Variants in EDAR observed in about 807,000 individuals in gnomAD.
EDAR encodes ectodysplasin A receptor.
A neutral mutation model predicts 51.3 loss-of-function variants in EDAR; 38 were observed. The observed-to-expected ratio is 0.74, with a 90% confidence interval of 0.57 to 0.97. The LOEUF is 0.97. Among genes scored for constraint, EDAR ranks in the 50% least tolerant of loss-of-function variants. The pLI is 0.00. For missense variants in EDAR, 528 were observed against 595.0 expected (o/e 0.89, Z 1.17); for synonymous variants, 227 against 242.1 (o/e 0.94, Z 0.58).
chr2:108,906,212 C>G, intron 11 of EDAR, 96 bp downstream of exon 11: 1 of 1,325,658 alleles, frequency 7.5e-7, no homozygotes. Flanking sequence ...GGGCGGCTTC[C>G]CTCAGTTCCC....
At chr2:108,939,832 C>G (rs921817802) in intron 1 of EDAR, among the ~76,000 whole-genome samples, 1 of 152,210 alleles carries the variant, frequency 6.6e-6, no homozygotes, top group Admixed American at 6.5e-5. Context: ...TACTTTCAGC[C>G]TGCCCTGCCT....
Position 108,904,822 on chromosome 2 carries a change from G to T in EDAR, c.1024+1486C>A, listed in dbSNP as rs1409080789. The stretch of plus-strand genomic sequence containing the variant: ...CAGGGGCCTAGGTGAGGGTGGGGTG[G>T]GTGGAAATTGGCTGTGGCTATAAAA... On this transcript the variant is annotated intron_variant, in intron 11 of 11. Coordinates refer to ENST00000258443, the MANE Select transcript of EDAR (RefSeq NM_022336.4). 2.6e-5 allele frequency among the ~76,000 whole-genome samples: 4 copies of T among 152,258 alleles called. 1 individual carries two copies. Among genetic ancestry groups the T allele is most frequent in the Admixed American group, 2.6e-4 (4 of 15,296 alleles).
chr2:108,955,242 G>A (rs1697896587), intron 1 of EDAR, among the ~76,000 whole-genome samples: 1 of 152,160 alleles, frequency 6.6e-6, no homozygotes, highest in African/African-American at 2.4e-5. Context: ...AGGTCAGAAT[G>A]TGAGGATTAA....
At chr2:108,970,961 G>A (rs1303589948) in intron 1 of EDAR, among the ~76,000 whole-genome samples, 1 of 152,162 alleles carries the variant, frequency 6.6e-6, no homozygotes, top group Non-Finnish European at 1.5e-5. Context: ...CCTAATTTGT[G>A]GAAGACTTCC....
At chr2:108,939,000 G>A (rs181822837) in intron 1 of EDAR, among the ~76,000 whole-genome samples, 772 of 152,072 alleles carry the variant, frequency 5.1e-3, no homozygotes, top group Non-Finnish European at 6.9e-3. Context: ...GGCTGGTCTC[G>A]AACTCCTGAC....
intron 4 of EDAR, among the ~76,000 whole-genome samples, chr2:108,926,401 TTC>T (rs1322253888): frequency 6.6e-6 from 1 of 152,190 alleles, no homozygotes; most frequent in African/African-American, 2.4e-5. Flanking sequence ...AGGACTGACT[TTC>T]TCTCAGTCAA....
intron 5 of EDAR, among the ~76,000 whole-genome samples, chr2:108,922,881 G>A (rs1697175751): frequency 6.6e-6 from 1 of 152,158 alleles, no homozygotes; most frequent in Non-Finnish European, 1.5e-5. Flanking sequence ...AACACCCCAA[G>A]GCAGGATTAT....
intron 11 of EDAR, among the ~76,000 whole-genome samples, chr2:108,898,241 C>T (rs751508931): frequency 1.2e-4 from 19 of 152,166 alleles, no homozygotes; most frequent in Non-Finnish European, 2.5e-4. Flanking sequence ...CAGGTGGTGT[C>T]AGGAAAGGCC....
At chr2:108,975,449 G>A (rs1383400991) in intron 1 of EDAR, among the ~76,000 whole-genome samples, 1 of 152,188 alleles carries the variant, frequency 6.6e-6, no homozygotes, top group African/African-American at 2.4e-5. Flanking sequence ...CAGCACATGA[G>A]AGCAAGACCT....
chr2:108,944,726 C>G (rs1202033101), intron 1 of EDAR, among the ~76,000 whole-genome samples: 2 of 152,128 alleles, frequency 1.3e-5, no homozygotes, highest in Non-Finnish European at 2.9e-5. Flanking sequence ...TGCAGCACCC[C>G]CACCGTGCAG....
intron 1 of EDAR, among the ~76,000 whole-genome samples, chr2:108,949,460 G>C (rs1697780648): frequency 6.6e-6 from 1 of 152,160 alleles, no homozygotes; most frequent in Non-Finnish European, 1.5e-5. Context: ...CCTCCAGTTG[G>C]CTCTGAATAA....
intron 1 of EDAR, among the ~76,000 whole-genome samples, chr2:108,963,105 GC>G (rs1698084859): frequency 6.6e-6 from 1 of 152,192 alleles, no homozygotes; most frequent in South Asian, 2.1e-4. Flanking sequence ...CCCTGCAGAG[GC>G]CGCAAACTGC....
At chr2:108,960,927 T>G (rs1423222511) in intron 1 of EDAR, among the ~76,000 whole-genome samples, 1 of 152,382 alleles carries the variant, frequency 6.6e-6, no homozygotes, top group East Asian at 1.9e-4. Flanking sequence ...CATTCGACTT[T>G]ATTTCAAAGT....
chr2:108,911,568 C>T (rs1001732563), intron 6 of EDAR, among the ~76,000 whole-genome samples: 1 of 152,340 alleles, frequency 6.6e-6, no homozygotes, highest in Middle Eastern at 3.4e-3. Flanking sequence ...GGGGGTGCCT[C>T]GGCTGGGCCA....
intron 1 of EDAR, among the ~76,000 whole-genome samples, chr2:108,983,313 T>A (rs1451152942): frequency 6.6e-6 from 1 of 152,198 alleles, no homozygotes; most frequent in Non-Finnish European, 1.5e-5. Context: ...TCCTCTAAAG[T>A]ACCTTTTAGG....
intron 1 of EDAR, among the ~76,000 whole-genome samples, chr2:108,965,995 T>C (rs1698145175): frequency 1.3e-5 from 2 of 152,168 alleles, no homozygotes; most frequent in Admixed American, 1.3e-4. Context: ...CCCTCATCTT[T>C]GAGTGACACC....
intron 5 of EDAR, 144 bp downstream of exon 5, chr2:108,923,224 C>T (rs748142784): frequency 7.5e-6 from 6 of 803,868 alleles, no homozygotes; most frequent in South Asian, 2.9e-5. Flanking sequence ...CCTGCCTGGA[C>T]AGGCCACAGG....
At chr2:108,904,223 TAAAC>T (rs1380434802) in intron 11 of EDAR, among the ~76,000 whole-genome samples, 4 of 152,166 alleles carry the variant, frequency 2.6e-5, no homozygotes, top group Admixed American at 2.0e-4. Flanking sequence ...AAAACATATT[TAAAC>T]AATAGGAACA....
At chr2:108,986,679 G>A (rs1698506613) in intron 1 of EDAR, among the ~76,000 whole-genome samples, 1 of 152,180 alleles carries the variant, frequency 6.6e-6, no homozygotes, top group African/African-American at 2.4e-5. Context: ...TCATGACAAC[G>A]CTTTGTAAAG....
Sources: gnomAD v4.1 joint callset for allele counts (sites outside exome capture counted in the v4.1 genomes callset) on GRCh38, gnomAD v4.1.1 for gene constraint, MANE v1.5 for transcripts, NCBI Gene and HGNC (gene_info 2026-07-23, HGNC 2026-07-21) for gene names.